ARID1B: variants seen among roughly 807,000 people sequenced by gnomAD.
ARID1B encodes AT-rich interaction domain 1B, also known as AT-rich interactive domain-containing protein 1B.
Under a neutral mutation model 212.3 loss-of-function variants are expected in ARID1B, and 30 were observed. That is an observed-to-expected ratio of 0.14 (90% CI 0.11 to 0.19). ARID1B has a LOEUF of 0.19. ARID1B is among the 10% of genes least tolerant of loss of function. The probability of loss-of-function intolerance (pLI) is 1.00; values close to 1 mark genes in which losing one functional copy is unlikely to be tolerated. For missense variants in ARID1B, 2,891 were observed against 3,204.0 expected, an observed-to-expected ratio of 0.90 and a Z score of 2.36; for synonymous variants, 1,402 against 1,301.7, an observed-to-expected ratio of 1.08 and a Z score of -1.66.
chr6:157,053,210 C>T (rs1347139650), intron 4 of ARID1B, among the ~76,000 whole-genome samples: 2 of 152,116 alleles, frequency 1.3e-5, no homozygotes, highest in Non-Finnish European at 2.9e-5. Flanking sequence ...CTCAGCCTCC[C>T]GAGTAGCTGG....
In ARID1B at chr6:156,924,463, G is replaced by T. The variant is rs949566132; in HGVS notation, c.2137-11003G>T. ...GGGGCCATTATGAAGTAAAATTAGCGTGATTTGAACACAAGCACTGATACT... is the reference window on the plus strand; with the variant it reads ...GGGGCCATTATGAAGTAAAATTAGCTTGATTTGAACACAAGCACTGATACT... On this transcript the variant is annotated intron_variant, in intron 3 of 19. Coordinates refer to ENST00000636930, the MANE Select transcript of ARID1B (RefSeq NM_001374828.1). 2.6e-5 allele frequency among the ~76,000 whole-genome samples: 4 copies of T among 152,320 alleles called. No homozygotes were observed. The South Asian group carries it at 8.3e-4, about 32-fold the overall frequency.
At chr6:157,194,188 AT>A (rs35862149) in intron 15 of ARID1B, 1 of 151,924 alleles carries the variant, frequency 6.6e-6, no homozygotes, top group Admixed American at 6.6e-5. Context: ...TTTCCTGTTG[AT>A]TTTTTTAAAT....
At chr6:156,829,142 T>C in intron 1 of ARID1B, 85 bp from the exon 2 acceptor site, 1 of 1,072,274 alleles carries the variant, frequency 9.3e-7, no homozygotes, top group Non-Finnish European at 1.4e-6. Flanking sequence ...AGTTGTGTTA[T>C]TAATGCATAT....
At chr6:156,992,363 T>A (rs1778322051) in intron 4 of ARID1B, among the ~76,000 whole-genome samples, 1 of 152,222 alleles carries the variant, frequency 6.6e-6, no homozygotes, top group Admixed American at 6.5e-5. Context: ...AACTGTTATA[T>A]GTTAATATCT....
At chr6:157,105,296 A>G (rs1242321378) in intron 5 of ARID1B, among the ~76,000 whole-genome samples, 6 of 152,194 alleles carry the variant, frequency 3.9e-5, no homozygotes, top group Non-Finnish European at 8.8e-5. Flanking sequence ...TCCAGAGGCA[A>G]TAAAAATAAA....
At chr6:156,944,837 C>T (rs891105735) in intron 4 of ARID1B, among the ~76,000 whole-genome samples, 3 of 152,116 alleles carry the variant, frequency 2.0e-5, no homozygotes, top group African/African-American at 7.2e-5. Context: ...AACCACTGTT[C>T]GTCTTTAATG....
At chr6:156,974,368 A>G (rs1443411311) in intron 4 of ARID1B, among the ~76,000 whole-genome samples, 1 of 152,184 alleles carries the variant, frequency 6.6e-6, no homozygotes, top group African/African-American at 2.4e-5. Context: ...TTTTGCAGCA[A>G]ACCAACATTT....
chr6:157,118,800 C>T (rs1787508516), intron 6 of ARID1B, among the ~76,000 whole-genome samples: 1 of 152,160 alleles, frequency 6.6e-6, no homozygotes, highest in South Asian at 2.1e-4. Context: ...CAATAGGAGT[C>T]CATTTATATT....
chr6:156,985,716 T>G (rs1777877413), intron 4 of ARID1B: 1 of 152,250 alleles, frequency 6.6e-6, no homozygotes, highest in Non-Finnish European at 1.5e-5. Flanking sequence ...CATATACTTT[T>G]TGTAGCCTGA....
At position 156,921,438 on chromosome 6, in the gene ARID1B, A is replaced by AAC. The variant is rs10560265; in HGVS notation, c.2137-13974_2137-13973dup. On this transcript the variant is annotated intron_variant, in intron 3 of 19. Coordinates refer to ENST00000636930, the MANE Select transcript of ARID1B (RefSeq NM_001374828.1). ...CTACAGTAATAGCACTTGATGGGAAAACACACACACACACACACACACACA... is the reference window on the plus strand; with the variant it reads ...CTACAGTAATAGCACTTGATGGGAAAACACACACACACACACACACACACACA... Among the ~76,000 whole-genome samples the AAC allele has an allele frequency of 8.4e-3, 1,145 of 135,946 alleles. 10 individuals carry two copies. Among genetic ancestry groups the AAC allele is most frequent in the African/African-American group, 0.017 (594 of 35,684 alleles). 89.2% of individuals were successfully genotyped at this position (135,946 alleles called of 152,430 possible).
At chr6:157,017,261 A>G (rs111568923) in intron 4 of ARID1B, among the ~76,000 whole-genome samples, 23 of 152,330 alleles carry the variant, frequency 1.5e-4, no homozygotes, top group African/African-American at 5.3e-4. Context: ...TCCATCAACA[A>G]TTCTGGTAAA....
At chr6:157,058,001 C>G (rs1252438299) in intron 4 of ARID1B, among the ~76,000 whole-genome samples, 1 of 151,942 alleles carries the variant, frequency 6.6e-6, no homozygotes, top group Non-Finnish European at 1.5e-5. Context: ...ATGGATGCAC[C>G]CGTTTTTGGG....
intron 1 of ARID1B, among the ~76,000 whole-genome samples, chr6:156,783,334 A>T (rs200073618): frequency 5.5e-4 from 68 of 123,138 alleles, no homozygotes; most frequent in African/African-American, 1.3e-3. Context: ...TCTGATATTT[A>T]AAAAAAAAAA....
chr6:156,783,871 G>A (rs1779451847), intron 1 of ARID1B, among the ~76,000 whole-genome samples: 1 of 152,116 alleles, frequency 6.6e-6, no homozygotes, highest in South Asian at 2.1e-4. Flanking sequence ...CCATGTGGGT[G>A]GAAAAGGGAC....
intron 1 of ARID1B, among the ~76,000 whole-genome samples, chr6:156,821,790 G>T (rs116711772): frequency 0.01 from 1,543 of 152,258 alleles, 29 homozygotes; most frequent in African/African-American, 0.035. Flanking sequence ...GCTAAATTGA[G>T]GGTTCCATGG....
At chr6:157,179,643 A>G (rs1792365934) in intron 11 of ARID1B, among the ~76,000 whole-genome samples, 1 of 152,200 alleles carries the variant, frequency 6.6e-6, no homozygotes, top group African/African-American at 2.4e-5. Context: ...TGTATCACCC[A>G]TTACATATTT....
chr6:156,874,868 A>G (rs905844269), intron 2 of ARID1B, among the ~76,000 whole-genome samples: 2 of 152,150 alleles, frequency 1.3e-5, no homozygotes, highest in Non-Finnish European at 1.5e-5. Context: ...TGGTCGTGGC[A>G]TATTGAATCT....
rs1206770482 is a variant in ARID1B, at chr6:156,842,092, A to G, written c.1986+12671A>G. On this transcript the variant is annotated intron_variant, in intron 2 of 19. Transcript: ENST00000636930. ...AAATTGAATGTTACCTACTACGTCT[A>G]TCACACTTAGAGGAATTTTTTTGAG... is the stretch of plus-strand genomic sequence containing the variant. Among the ~76,000 whole-genome samples, 14 of 152,348 alleles carry G rather than the reference A, an allele frequency of 9.2e-5. No homozygotes were observed. The East Asian group carries it at 2.1e-3, about 23-fold the overall frequency.
chr6:157,035,565 T>C (rs1781274778), intron 4 of ARID1B, among the ~76,000 whole-genome samples: 1 of 152,200 alleles, frequency 6.6e-6, no homozygotes, highest in South Asian at 2.1e-4. Context: ...GCCTTGGAAA[T>C]TAAAATGTAA....
Sources: allele counts gnomAD v4.1 joint callset (sites outside exome capture counted in the v4.1 genomes callset), GRCh38; gene constraint gnomAD v4.1.1; transcripts MANE v1.5; gene names NCBI Gene and HGNC (gene_info 2026-07-23, HGNC 2026-07-21).